Variants in BCR observed in about 807,000 individuals in gnomAD.
BCR encodes breakpoint cluster region protein.
A neutral mutation model predicts 138.6 loss-of-function variants in BCR; 58 were observed. The ratio of observed to expected loss-of-function variants is 0.42; its 90% CI spans 0.34 to 0.52. The LOEUF is 0.52. BCR is among the 20% of genes least tolerant of loss of function. The pLI is 0.06. For synonymous variants in BCR, 786 were observed against 730.1 expected, an observed-to-expected ratio of 1.08 and a Z score of -1.23; for missense variants, 1,599 against 1,727.2, an observed-to-expected ratio of 0.93 and a Z score of 1.32.
intron 6 of BCR, 80 bp downstream of exon 6, chr22:23,271,672 G>A: frequency 7.1e-7 from 1 of 1,404,276 alleles, no homozygotes; most frequent in Middle Eastern, 1.9e-4. Flanking sequence ...TGGAAAAGCA[G>A]ACACAGTGCC....
intron 18 of BCR, among the ~76,000 whole-genome samples, chr22:23,311,002 A>G (rs4084075): frequency 0.16 from 23,442 of 146,742 alleles, 313 homozygotes; most frequent in Non-Finnish European, 0.2. Flanking sequence ...AGCAGCGAGG[A>G]CTCCATCAGC....
At chr22:23,218,498 G>A (rs530164276) in intron 1 of BCR, among the ~76,000 whole-genome samples, 10 of 152,344 alleles carry the variant, frequency 6.6e-5, no homozygotes, top group African/African-American at 1.7e-4. Context: ...CTGTGGGACC[G>A]GAGAGCTGGG....
At chr22:23,199,722 C>T (rs1283693250) in intron 1 of BCR, among the ~76,000 whole-genome samples, 2 of 152,154 alleles carry the variant, frequency 1.3e-5, no homozygotes, top group African/African-American at 4.8e-5. Context: ...CTTTGTCTCT[C>T]CTTTCTCCCT....
rs12628298 is a variant in BCR at position 23,280,334 on chromosome 22, C to T, written c.2116-3643C>T. 8.9e-4 allele frequency among the ~76,000 whole-genome samples: 136 copies of T among 152,312 alleles called. 3 individuals carry two copies. The East Asian group carries it at 0.019, about 22-fold the overall frequency. ...CCTCCTCACTCCCACCAGCCTGATG[C>T]GACCCCCTCCTCAGAAGACAGGGCA... On this transcript the variant is annotated intron_variant, in intron 8 of 22. Coordinates refer to ENST00000305877, the MANE Select transcript of BCR (RefSeq NM_004327.4).
At chr22:23,267,372 C>T (rs2073454732) in intron 4 of BCR, among the ~76,000 whole-genome samples, 1 of 152,174 alleles carries the variant, frequency 6.6e-6, no homozygotes, top group South Asian at 2.1e-4. Flanking sequence ...TTTCCTCGTA[C>T]ACTCTAAGAC....
chr22:23,208,305 A>G (rs1474958371), intron 1 of BCR, among the ~76,000 whole-genome samples: 3 of 152,092 alleles, frequency 2.0e-5, no homozygotes, highest in Non-Finnish European at 4.4e-5. Context: ...TCTGTGTGAC[A>G]CTGAAGCTCT....
chr22:23,283,096 G>A (rs1350948999), intron 8 of BCR: 1 of 152,194 alleles, frequency 6.6e-6, no homozygotes, highest in East Asian at 1.9e-4. Context: ...CTCTCCTCCT[G>A]TCCCTGTACC....
intron 1 of BCR, among the ~76,000 whole-genome samples, chr22:23,216,115 G>T (rs949009678): frequency 6.6e-6 from 1 of 152,152 alleles, no homozygotes; most frequent in African/African-American, 2.4e-5. Flanking sequence ...TTTCCGCTTT[G>T]GTCCAGTCTG....
chr22:23,189,659 C>G (rs938797201), intron 1 of BCR, among the ~76,000 whole-genome samples: 5 of 152,110 alleles, frequency 3.3e-5, no homozygotes, highest in Non-Finnish European at 7.4e-5. Context: ...TGCCATCACA[C>G]CCGGCTAATT....
chr22:23,223,274 G>A lies in BCR; in HGVS notation c.1280-30525G>A, dbSNP rs9620231. On this transcript the variant is annotated intron_variant, in intron 1 of 22. Transcript: ENST00000305877. ...CAAGAACTCCACTAAGGGAATTGGG[G>A]TGTGAGTGTGAGCATGTGTGAGTAT... 1.8e-3 allele frequency among the ~76,000 whole-genome samples: 272 copies of A among 152,242 alleles called. 1 individual carries two copies. Among genetic ancestry groups the A allele is most frequent in the African/African-American group, 6.3e-3 (260 of 41,490 alleles).
intron 4 of BCR, chr22:23,263,295 C>T (rs1452763069): frequency 9.6e-6 from 11 of 1,148,774 alleles, no homozygotes; most frequent in Admixed American, 5.3e-5. Flanking sequence ...CCAGGTGTAC[C>T]GCTGGCTGTG....
chr22:23,260,867 C>T (rs1473119449), intron 2 of BCR, 83 bp from the exon 3 acceptor site: 1 of 1,294,286 alleles, frequency 7.7e-7, no homozygotes, highest in Non-Finnish European at 1.1e-6. Context: ...GGTCAACAAG[C>T]TGGCCCTCCT....
At chr22:23,206,305 T>G (rs1181625499) in intron 1 of BCR, among the ~76,000 whole-genome samples, 1 of 152,178 alleles carries the variant, frequency 6.6e-6, no homozygotes, top group Non-Finnish European at 1.5e-5. Context: ...CTGGGGGCGG[T>G]GGCTCACGCC....
chr22:23,265,350 G>T (rs928510965), intron 4 of BCR, among the ~76,000 whole-genome samples: 2 of 152,242 alleles, frequency 1.3e-5, no homozygotes, highest in African/African-American at 4.8e-5. Context: ...GGACAGATAG[G>T]CCCGGTGCCT....
At chr22:23,212,708 C>T (rs2072700496) in intron 1 of BCR, among the ~76,000 whole-genome samples, 3 of 152,202 alleles carry the variant, frequency 2.0e-5, no homozygotes. Flanking sequence ...TCTCTCAACA[C>T]ACACAGCTTC....
intron 4 of BCR, among the ~76,000 whole-genome samples, chr22:23,266,117 C>T (rs1233880096): frequency 6.6e-6 from 1 of 152,006 alleles, no homozygotes; most frequent in African/African-American, 2.4e-5. Context: ...TAGAGTCTCA[C>T]TCTGTCGCCC....
chr22:23,251,075 G>A (rs998117339), intron 1 of BCR: 1 of 152,284 alleles, frequency 6.6e-6, no homozygotes, highest in Non-Finnish European at 1.5e-5. Flanking sequence ...CTTGTTGAGG[G>A]ACTTGGTGGG....
At chr22:23,241,381 G>A (rs1446356786) in intron 1 of BCR, among the ~76,000 whole-genome samples, 1 of 152,206 alleles carries the variant, frequency 6.6e-6, no homozygotes, top group Non-Finnish European at 1.5e-5. Context: ...CAGTGAGTGG[G>A]AAGGGAGGAC....
intron 1 of BCR, among the ~76,000 whole-genome samples, chr22:23,193,679 A>G (rs990301716): frequency 2.0e-5 from 3 of 152,240 alleles, no homozygotes; most frequent in Non-Finnish European, 4.4e-5. Context: ...ATCCATCTGC[A>G]AATTCCCCTT....
Sources: allele counts gnomAD v4.1 joint callset (sites outside exome capture counted in the v4.1 genomes callset), GRCh38; gene constraint gnomAD v4.1.1; transcripts MANE v1.5; gene names NCBI Gene and HGNC (gene_info 2026-07-23, HGNC 2026-07-21).